Variants in CRYBG1 observed in about 807,000 individuals in gnomAD.
CRYBG1 encodes the protein crystallin beta-gamma domain containing 1, also known as beta/gamma crystallin domain-containing protein 1.
A neutral mutation model predicts 189.2 loss-of-function variants in CRYBG1; 139 were observed. The ratio of observed to expected loss-of-function variants is 0.73; its 90% CI spans 0.64 to 0.85. The LOEUF is 0.85. Ranked by LOEUF, CRYBG1 falls within the 40% of genes least tolerant of loss-of-function variation. The pLI, the probability that CRYBG1 is intolerant of heterozygous loss-of-function variation, is 0.00. For synonymous variants in CRYBG1, 1,023 were observed against 1,017.1 expected, an observed-to-expected ratio of 1.01 and a Z score of -0.11; for missense variants, 2,611 against 2,675.8, an observed-to-expected ratio of 0.98 and a Z score of 0.53.
chr6:106,442,871 T>C (rs1771590671), intron 1 of CRYBG1, among the ~76,000 whole-genome samples: 1 of 152,176 alleles, frequency 6.6e-6, no homozygotes, highest in South Asian at 2.1e-4. Flanking sequence ...GGGAGCTACA[T>C]TTGAAAAGTT....
chr6:106,502,876 C>T (rs1773038583), intron 2 of CRYBG1, among the ~76,000 whole-genome samples: 1 of 152,234 alleles, frequency 6.6e-6, no homozygotes, highest in Non-Finnish European at 1.5e-5. Context: ...CCAAGGCCCT[C>T]TCCTTAAAAT....
intron 7 of CRYBG1, among the ~76,000 whole-genome samples, chr6:106,529,366 C>T (rs1049176602): frequency 1.1e-4 from 16 of 152,138 alleles, no homozygotes; most frequent in African/African-American, 3.6e-4. Context: ...CTTCACAGAT[C>T]GTGTGCATGG....
chr6:106,418,696 T>C (rs988831191), intron 1 of CRYBG1, among the ~76,000 whole-genome samples: 2 of 152,218 alleles, frequency 1.3e-5, no homozygotes, highest in African/African-American at 2.4e-5. Context: ...CATTGTACCA[T>C]TGAAGCAATG....
Position 106,520,962 on chromosome 6 carries a change from C to A in CRYBG1, c.3754C>A (p.Gln1252Lys), listed in dbSNP as rs750088904. The change falls in exon 4 of 22, where the codon CAA becomes AAA. Residue 1252 changes from glutamine to lysine, a missense_variant. Physicochemically the swap from Gln to Lys is moderately conservative, Grantham distance 53. Around this residue, in one of 3 missense-constraint regions of CRYBG1, gnomAD observed 1,622 missense variants for 1,735.0 expected, o/e 0.93. Transcript: ENST00000633556. ...CTCAAGCTTGTTATCTTCTTTACCA[C>A]AAGACAAAATCTTTTCTCCTTCTGT... The part of the protein sequence containing the change: ...LFSSLLSSLP[Q>K]DKIFSPSVTS... 31 of 1,614,056 alleles carry A rather than the reference C, an allele frequency of 1.9e-5. No homozygotes were observed. In the East Asian group the frequency reaches 6.7e-4, roughly 35 times the overall value.
chr6:106,512,961 G>A lies in CRYBG1; in HGVS notation c.1844G>A (p.Gly615Glu), dbSNP rs1773330721. Reference protein sequence around the residue: ...RELGRAAGAPGASDADGLKPR... With the variant: ...RELGRAAGAPEASDADGLKPR... Reference sequence around the variant, plus strand: ...CTGGGCAGAGCGGCCGGAGCGCCTGGAGCTTCTGACGCCGACGGCTTGAAG... The same window carrying A: ...CTGGGCAGAGCGGCCGGAGCGCCTGAAGCTTCTGACGCCGACGGCTTGAAG... Residue 615 changes from glycine (G) to glutamate (E), a missense_variant, in exon 3 of 22, where the codon GGA becomes GAA. Physicochemically the swap from Gly to Glu is moderately conservative, Grantham distance 98. Transcript: ENST00000633556. The A allele has an allele frequency of 6.2e-7, 1 of 1,611,134 alleles. No homozygotes were observed. Among genetic ancestry groups the A allele is most frequent in the African/African-American group, 1.3e-5 (1 of 74,930 alleles).
At chr6:106,422,192 C>G (rs1211653801) in intron 1 of CRYBG1, among the ~76,000 whole-genome samples, 3 of 152,146 alleles carry the variant, frequency 2.0e-5, no homozygotes, top group Non-Finnish European at 2.9e-5. Flanking sequence ...TGCAGCCTAT[C>G]CACACATATT....
intron 1 of CRYBG1, among the ~76,000 whole-genome samples, chr6:106,375,754 T>C (rs920167901): frequency 6.6e-6 from 1 of 152,182 alleles, no homozygotes; most frequent in African/African-American, 2.4e-5. Context: ...GGCTTAGCTG[T>C]TTTGGAGGCT....
intron 1 of CRYBG1, among the ~76,000 whole-genome samples, chr6:106,429,091 C>G: frequency 6.6e-6 from 1 of 151,640 alleles, no homozygotes. Context: ...GTAAGGCTGG[C>G]AGAGTTGATG....
intron 1 of CRYBG1, among the ~76,000 whole-genome samples, chr6:106,395,513 T>C (rs1024803101): frequency 2.0e-5 from 3 of 152,060 alleles, no homozygotes; most frequent in Non-Finnish European, 2.9e-5. Context: ...TTTAATGCTA[T>C]ATCTTCTAGA....
chr6:106,537,723 C>T (rs976124602), intron 8 of CRYBG1, among the ~76,000 whole-genome samples: 22 of 152,200 alleles, frequency 1.4e-4, no homozygotes, highest in African/African-American at 4.6e-4. Context: ...CGCAGAAACC[C>T]GTTTCTTTCA....
In CRYBG1 at chr6:106,553,540, C is replaced by T; in HGVS notation, c.5558C>T (p.Thr1853Ile). Residue 1853 changes from threonine (T) to isoleucine (I), a missense_variant, in exon 16 of 22, where the codon ACC (threonine) becomes ATC (isoleucine). Around this residue, in one of 3 missense-constraint regions of CRYBG1, gnomAD observed 1,622 missense variants for 1,735.0 expected, o/e 0.93. Coordinates refer to ENST00000633556, the MANE Select transcript of CRYBG1 (RefSeq NM_001371242.2). ...TTSQIDDSFSTKSCRVSGGSW... is the reference protein window; with the variant it reads ...TTSQIDDSFSIKSCRVSGGSW... ...AGTCAAATTGATGATTCATTTTCTA[C>T]CAAGTCTTGCAGAGTTTCAGGAGGC... 1 of 1,613,376 alleles carries T rather than the reference C, an allele frequency of 6.2e-7. No individual in the cohort carries two copies. Among genetic ancestry groups the T allele is most frequent in the African/African-American group, 1.3e-5 (1 of 75,016 alleles).
At chr6:106,542,794 G>T (rs1356028657) in intron 10 of CRYBG1, among the ~76,000 whole-genome samples, 1 of 146,090 alleles carries the variant, frequency 6.8e-6, no homozygotes, top group African/African-American at 2.5e-5. Flanking sequence ...GATTACAGGT[G>T]TGCATCACTA....
chr6:106,449,091 T>C (rs183122894), intron 1 of CRYBG1, among the ~76,000 whole-genome samples: 1 of 152,208 alleles, frequency 6.6e-6, no homozygotes, highest in Non-Finnish European at 1.5e-5. Flanking sequence ...GGCAAAAGGA[T>C]CCTATGTTTT....
chr6:106,366,605 CTTAG>C (rs1342897128), intron 1 of CRYBG1, among the ~76,000 whole-genome samples: 4 of 152,222 alleles, frequency 2.6e-5, no homozygotes, highest in African/African-American at 9.6e-5. Flanking sequence ...GTTGGGCAGA[CTTAG>C]TTTCAAATCT....
intron 1 of CRYBG1, among the ~76,000 whole-genome samples, chr6:106,392,447 C>T (rs746495894): frequency 2.6e-5 from 4 of 152,096 alleles, no homozygotes; most frequent in Non-Finnish European, 5.9e-5. Flanking sequence ...AGTAAAGAGG[C>T]AGCAGACTAG....
At chr6:106,497,058 G>A (rs1261593873) in intron 2 of CRYBG1, among the ~76,000 whole-genome samples, 3 of 152,114 alleles carry the variant, frequency 2.0e-5, no homozygotes, top group Non-Finnish European at 2.9e-5. Context: ...GTAAGAGGGT[G>A]ATGAAATATT....
intron 1 of CRYBG1, among the ~76,000 whole-genome samples, chr6:106,411,851 GT>G (rs1770931775): frequency 6.6e-6 from 1 of 152,194 alleles, no homozygotes; most frequent in Non-Finnish European, 1.5e-5. Context: ...GGAGTCAGAT[GT>G]CCAAGGGCAG....
In CRYBG1 at chr6:106,512,850, T is replaced by C; in HGVS notation, c.1733T>C (p.Leu578Pro). The change falls in exon 3 of 22, where the codon CTG (leucine) becomes CCG (proline). Residue 578 changes from leucine to proline, a missense_variant. This residue lies in a region of CRYBG1 where 985 missense variants were observed against 924.4 expected (regional missense o/e 1.07). Transcript: ENST00000633556. ...PRELPVKSSS[L>P]LPEIKPEHKR... ...GAGCTCCCGGTCAAGAGCAGCTCGC[T>C]GCTGCCGGAGATCAAGCCCGAGCAC... is the stretch of plus-strand genomic sequence containing the variant. 1 of 1,584,956 alleles carries C rather than the reference T, an allele frequency of 6.3e-7. No homozygotes were observed. The highest frequency in any genetic ancestry group is 1.1e-5 in the South Asian group (1 of 87,650).
intron 1 of CRYBG1, among the ~76,000 whole-genome samples, chr6:106,380,321 A>C (rs1395321790): frequency 6.6e-6 from 1 of 152,222 alleles, no homozygotes; most frequent in African/African-American, 2.4e-5. Flanking sequence ...AAAGGTTACT[A>C]TTTGAATTCC....
Sources: allele counts gnomAD v4.1 joint callset (sites outside exome capture counted in the v4.1 genomes callset), GRCh38; gene constraint gnomAD v4.1.1; regional missense constraint gnomAD v4.1.1; transcripts MANE v1.5; gene names NCBI Gene and HGNC (gene_info 2026-07-23, HGNC 2026-07-21).